Variants in SLCO5A1 observed in about 807,000 individuals in gnomAD.
SLCO5A1 encodes solute carrier organic anion transporter family member 5A1.
In SLCO5A1, 39 loss-of-function variants were observed where a neutral mutation model predicts 65.1. The observed-to-expected ratio is 0.60, with a 90% CI of 0.46 to 0.78. SLCO5A1 has a LOEUF of 0.78. Among genes scored for constraint, SLCO5A1 ranks in the 30% least tolerant of loss-of-function variants. The pLI is 0.00. For missense variants in SLCO5A1, 1,029 were observed against 1,069.4 expected, an observed-to-expected ratio of 0.96 and a Z score of 0.53; for synonymous variants, 438 against 415.7, an observed-to-expected ratio of 1.05 and a Z score of -0.65.
In SLCO5A1 at chr8:69,706,498, T is replaced by A. The variant is rs550118889; in HGVS notation, c.1424-1269A>T. ...GGAGGTGGGGCCTTTGGAAGGTGAT[T>A]AAGTCACAAGAGTGGGAGGCCTAAT... On this transcript the variant is annotated intron_variant, in intron 5 of 9. Coordinates refer to ENST00000260126, the MANE Select transcript of SLCO5A1 (RefSeq NM_030958.3). Among the ~76,000 whole-genome samples the A allele has an allele frequency of 1.3e-3, 201 of 152,282 alleles. 3 individuals are homozygous for A. The highest frequency in any genetic ancestry group is 6.5e-4 in the Non-Finnish European group (44 of 68,024).
At chr8:69,778,692 C>T (rs953086097) in intron 2 of SLCO5A1, among the ~76,000 whole-genome samples, 18 of 152,176 alleles carry the variant, frequency 1.2e-4, no homozygotes, top group South Asian at 2.1e-4. Flanking sequence ...ATCAAATGTG[C>T]TATCTTTGTG....
At chr8:69,717,199 A>G (rs1203084293) in intron 5 of SLCO5A1, among the ~76,000 whole-genome samples, 1 of 152,124 alleles carries the variant, frequency 6.6e-6, no homozygotes, top group Non-Finnish European at 1.5e-5. Context: ...AGTTATGCCT[A>G]TGTTTATTTC....
chr8:69,832,594 C>A lies in SLCO5A1; in HGVS notation c.80G>T (p.Arg27Met), dbSNP rs1285266346. Reference sequence around the variant, plus strand: ...AGACCTGAGGGTCTCCGGCTCGCACCTCTCTTGGACAGCTTCTGCAGTGGC... The same window carrying A: ...AGACCTGAGGGTCTCCGGCTCGCACATCTCTTGGACAGCTTCTGCAGTGGC... ...APATAEAVQE[R>M]CEPETLRSKS... is the part of the protein sequence containing the mutation. The change falls in exon 2 of 10, where the codon AGG (arginine) becomes ATG (methionine). Residue 27 changes from arginine (R) to methionine (M), a missense_variant. Physicochemically the swap from Arg to Met is moderately conservative, Grantham distance 91. This residue lies in a region of SLCO5A1 where 647 missense variants were observed against 647.5 expected (regional missense o/e 1.00). Transcript: ENST00000260126. This position sits in a 1 kb window ranked among gnomAD's most constrained non-coding sequence, Gnocchi z 4.5. The A allele has an allele frequency of 1.2e-6, 2 of 1,612,638 alleles. No individual in the cohort carries two copies. Among genetic ancestry groups the A allele is most frequent in the African/African-American group, 1.3e-5 (1 of 74,964 alleles).
chr8:69,684,005 G>A (rs1813899666), intron 6 of SLCO5A1, among the ~76,000 whole-genome samples: 3 of 152,100 alleles, frequency 2.0e-5, no homozygotes, highest in Admixed American at 2.0e-4. Context: ...AAATTTTAAT[G>A]GGGGAAACAA....
intron 2 of SLCO5A1, among the ~76,000 whole-genome samples, chr8:69,776,655 A>C (rs1050186274): frequency 6.6e-6 from 1 of 152,202 alleles, no homozygotes; most frequent in Middle Eastern, 3.4e-3. Flanking sequence ...ATGCCACTGC[A>C]CTCCAGCCTG....
At chr8:69,724,786 G>T (rs1301332545) in intron 5 of SLCO5A1, among the ~76,000 whole-genome samples, 1 of 152,210 alleles carries the variant, frequency 6.6e-6, no homozygotes, top group Non-Finnish European at 1.5e-5. Context: ...TAAACAGAAA[G>T]CATCTCTGGG....
At chr8:69,780,977 T>C (rs1292967500) in intron 2 of SLCO5A1, among the ~76,000 whole-genome samples, 1 of 152,222 alleles carries the variant, frequency 6.6e-6, no homozygotes, top group African/African-American at 2.4e-5. Flanking sequence ...TCCAGTTTCA[T>C]CACTAATAGG....
intron 4 of SLCO5A1, among the ~76,000 whole-genome samples, chr8:69,752,973 A>T (rs1318114891): frequency 1.3e-5 from 2 of 152,258 alleles, no homozygotes; most frequent in African/African-American, 4.8e-5. Flanking sequence ...CAAACTGAGC[A>T]TAGAGAAGAC....
At chr8:69,784,848 A>AAAGAAAGAAAGAAAGG (rs1455410345) in intron 2 of SLCO5A1, among the ~76,000 whole-genome samples, 40 of 144,154 alleles carry the variant, frequency 2.8e-4, no homozygotes, top group African/African-American at 9.6e-4. Context: ...AGAAAGAAAG[A>AAAGAAAGAAAGAAAGG]AAGAAAGAAA....
rs1002158533 is a variant in SLCO5A1, at chr8:69,762,184, T to G, written c.908-309A>C. Among the ~76,000 whole-genome samples, 2 of 112,768 alleles carry G rather than the reference T, an allele frequency of 1.8e-5. 1 individual carries two copies. The highest frequency in any genetic ancestry group is 6.8e-5 in the African/African-American group (2 of 29,510). 74.0% of individuals were successfully genotyped at this position (112,768 alleles called of 152,430 possible). On this transcript the variant is annotated intron_variant, in intron 2 of 9. Transcript: ENST00000260126. ...TTTCTTTCTTTCTTTCTTTCTTTCTTTCTTTCTTTCTTTCTTTTTTGAGAC... is the reference window on the plus strand; with the variant it reads ...TTTCTTTCTTTCTTTCTTTCTTTCTGTCTTTCTTTCTTTCTTTTTTGAGAC...
At chr8:69,727,871 C>T (rs1466988293) in intron 5 of SLCO5A1, among the ~76,000 whole-genome samples, 4 of 152,232 alleles carry the variant, frequency 2.6e-5, no homozygotes, top group African/African-American at 9.6e-5. Flanking sequence ...GTCTCTCAGT[C>T]TCTTTTCCCT....
At chr8:69,685,676 G>C (rs1813972093) in intron 6 of SLCO5A1, among the ~76,000 whole-genome samples, 1 of 152,092 alleles carries the variant, frequency 6.6e-6, no homozygotes. Context: ...GAGAGATGGA[G>C]GGATCTCTGA....
At chr8:69,721,710 A>C (rs1383410884) in intron 5 of SLCO5A1, among the ~76,000 whole-genome samples, 1 of 152,262 alleles carries the variant, frequency 6.6e-6, no homozygotes, top group East Asian at 1.9e-4. Context: ...AACTTACTTC[A>C]GGATCATTTC....
At chr8:69,782,063 C>T (rs1818821016) in intron 2 of SLCO5A1, among the ~76,000 whole-genome samples, 1 of 152,062 alleles carries the variant, frequency 6.6e-6, no homozygotes, top group Non-Finnish European at 1.5e-5. Flanking sequence ...CAGGGCCTGT[C>T]AGCGGGTGTG....
chr8:69,828,595 C>CT (rs1821029125), intron 2 of SLCO5A1, among the ~76,000 whole-genome samples: 1 of 148,858 alleles, frequency 6.7e-6, no homozygotes, highest in African/African-American at 2.5e-5. Flanking sequence ...GAGCGAGACT[C>CT]GTCTCAAAAA....
intron 2 of SLCO5A1, among the ~76,000 whole-genome samples, chr8:69,769,516 A>G (rs921260534): frequency 2.0e-5 from 3 of 152,228 alleles, no homozygotes; most frequent in South Asian, 2.1e-4. Flanking sequence ...CCTGCTTAAT[A>G]TAATAAACAT....
intron 2 of SLCO5A1, among the ~76,000 whole-genome samples, chr8:69,827,901 A>G (rs1820989526): frequency 6.6e-6 from 1 of 152,158 alleles, no homozygotes; most frequent in Admixed American, 6.5e-5. Context: ...GCAATTCTAC[A>G]TTCTGCATTC....
intron 6 of SLCO5A1, among the ~76,000 whole-genome samples, chr8:69,692,118 G>A (rs751367004): frequency 2.1e-4 from 32 of 152,082 alleles, no homozygotes; most frequent in Middle Eastern, 3.2e-3. Flanking sequence ...GTGTGGTGGC[G>A]GGCGCCTGTA....
chr8:69,682,433 G>A, intron 6 of SLCO5A1, 90 bp from the exon 7 acceptor site: 1 of 1,276,274 alleles, frequency 7.8e-7, no homozygotes, highest in Non-Finnish European at 1.0e-6. Flanking sequence ...GTCCATTTTA[G>A]AGAAAATATT....
Sources: gnomAD v4.1 joint callset for allele counts (sites outside exome capture counted in the v4.1 genomes callset) on GRCh38, gnomAD v4.1.1 for gene constraint, gnomAD v4.1.1 regional missense constraint, Gnocchi (gnomAD v3.1) non-coding constraint, MANE v1.5 for transcripts, NCBI Gene and HGNC (gene_info 2026-07-23, HGNC 2026-07-21) for gene names.